The following TSPEAR variants were observed in gnomAD, a reference collection of about 807,000 sequenced individuals.
TSPEAR encodes the protein thrombospondin type laminin G domain and EAR repeats, also known as thrombospondin-type laminin G domain and EAR repeat-containing protein.
TSPEAR carries 69 observed loss-of-function variants against 71.6 expected under a neutral mutation model. The observed-to-expected ratio is 0.96, with a 90% CI of 0.79 to 1.18. The LOEUF (loss-of-function observed/expected upper bound fraction) is 1.18, where lower values mean the gene tolerates loss of function less well. Ranked by LOEUF, TSPEAR falls within the 50% of genes most tolerant of loss-of-function variation. The pLI is 0.00. For synonymous variants in TSPEAR, 402 were observed against 387.2 expected (o/e 1.04, Z -0.45); for missense variants, 971 against 894.9 (o/e 1.09, Z -1.09).
At chr21:44,570,842 C>T (rs1555922430) in intron 1 of TSPEAR, among the ~76,000 whole-genome samples, 1 of 152,156 alleles carries the variant, frequency 6.6e-6, no homozygotes, top group Non-Finnish European at 1.5e-5. Context: ...AATTAAAAGG[C>T]TGATAAGGGA....
At chr21:44,640,676 C>T (rs781984526) in intron 1 of TSPEAR, among the ~76,000 whole-genome samples, 4 of 152,184 alleles carry the variant, frequency 2.6e-5, no homozygotes, top group Non-Finnish European at 4.4e-5. Flanking sequence ...TGGAGGCATG[C>T]CATCCACAGA....
intron 3 of TSPEAR, 78 bp from the exon 4 acceptor site, chr21:44,531,211 G>A (rs938195150): frequency 1.8e-4 from 206 of 1,163,940 alleles, no homozygotes; most frequent in Non-Finnish European, 2.4e-4. Flanking sequence ...ACAGGAACAA[G>A]CCCCTCACTA....
chr21:44,558,859 G>A (rs1460343805), intron 2 of TSPEAR: 2 of 1,113,890 alleles, frequency 1.8e-6, no homozygotes, highest in Non-Finnish European at 2.5e-6. Flanking sequence ...GCCCCTGCCT[G>A]GCTTCGAGAA....
At chr21:44,559,836 C>G (rs1305312531) in intron 2 of TSPEAR, among the ~76,000 whole-genome samples, 1 of 152,118 alleles carries the variant, frequency 6.6e-6, no homozygotes, top group African/African-American at 2.4e-5. Flanking sequence ...GGCAGAGGCT[C>G]TGATGATGCT....
At chr21:44,503,644 G>A (rs587641330) in intron 11 of TSPEAR, among the ~76,000 whole-genome samples, 4 of 139,566 alleles carry the variant, frequency 2.9e-5, no homozygotes, top group Admixed American at 7.1e-5. Flanking sequence ...TGAGCCCTTG[G>A]GGGGAAGCCG....
intron 1 of TSPEAR, among the ~76,000 whole-genome samples, chr21:44,598,282 T>C (rs1463826628): frequency 6.6e-6 from 1 of 152,190 alleles, no homozygotes; most frequent in Non-Finnish European, 1.5e-5. Context: ...GTTTAGCCAA[T>C]CGGGTCTAGT....
At chr21:44,697,129 C>T in intron 1 of TSPEAR, 1 of 1,577,092 alleles carries the variant, frequency 6.3e-7, no homozygotes, top group Non-Finnish European at 8.6e-7. Context: ...CCCTCCTTCC[C>T]ATCCAGCACC....
At chr21:44,640,758 A>G (rs2146227476) in intron 1 of TSPEAR, among the ~76,000 whole-genome samples, 1 of 152,352 alleles carries the variant, frequency 6.6e-6, no homozygotes, top group Middle Eastern at 3.4e-3. Flanking sequence ...AATCCAACAG[A>G]AAGAAAGGCA....
At chr21:44,615,300 C>A (rs73907065) in intron 1 of TSPEAR, among the ~76,000 whole-genome samples, 2,227 of 152,370 alleles carry the variant, frequency 0.015, 54 homozygotes, top group African/African-American at 0.05. Context: ...CCGACCCGCA[C>A]ACACGCAGGA....
chr21:44,509,055 G>A, intron 10 of TSPEAR, 144 bp downstream of exon 10: 1 of 1,378,190 alleles, frequency 7.3e-7, no homozygotes. Context: ...CCACAGGAAG[G>A]TCCCCAGGCC....
chr21:44,503,972 C>A, intron 11 of TSPEAR, among the ~76,000 whole-genome samples: 1 of 132,926 alleles, frequency 7.5e-6, no homozygotes, highest in Non-Finnish European at 1.6e-5. Flanking sequence ...AGTTGGTGAG[C>A]CCTCGGCGGG....
chr21:44,615,127 G>A (rs935146313), intron 1 of TSPEAR, among the ~76,000 whole-genome samples: 20 of 152,356 alleles, frequency 1.3e-4, no homozygotes, highest in Admixed American at 1.0e-3. Context: ...CCTGGACTCC[G>A]CCATGGGCAG....
Position 44,647,492 on chromosome 21 carries a change from C to G in TSPEAR, c.82+63941G>C. On this transcript the variant is annotated intron_variant, in intron 1 of 11. Coordinates refer to ENST00000323084, the MANE Select transcript of TSPEAR (RefSeq NM_144991.3). ...GCTGCTGCCTGAAGGGGATTTTGAG[C>G]GCGTCACACTTTCCTCCCCACTGTC... 4 of 1,042,074 alleles carry G rather than the reference C, an allele frequency of 3.8e-6. No homozygotes were observed. The South Asian group carries it at 6.6e-5, about 17-fold the overall frequency. 64.6% of individuals were successfully genotyped at this position (1,042,074 alleles called of 1,614,324 possible).
intron 1 of TSPEAR, among the ~76,000 whole-genome samples, chr21:44,639,314 C>CT (rs370402394): frequency 1.1e-3 from 172 of 152,380 alleles, no homozygotes; most frequent in African/African-American, 3.8e-3. Flanking sequence ...CGCCAGGTCG[C>CT]TGTGCGCATT....
At chr21:44,599,084 A>G (rs1172318516) in intron 1 of TSPEAR, among the ~76,000 whole-genome samples, 1 of 147,148 alleles carries the variant, frequency 6.8e-6, no homozygotes, top group Non-Finnish European at 1.5e-5. Flanking sequence ...CAGCAGGAGT[A>G]TATGTCTGAC....
chr21:44,624,081 C>T (rs1359641187), intron 1 of TSPEAR, among the ~76,000 whole-genome samples: 5 of 152,114 alleles, frequency 3.3e-5, no homozygotes, highest in Non-Finnish European at 7.3e-5. Flanking sequence ...CTTACTACTC[C>T]ACTTTCTTCA....
intron 1 of TSPEAR, chr21:44,698,155 C>T (rs1259631430): frequency 1.6e-6 from 1 of 631,592 alleles, no homozygotes; most frequent in Non-Finnish European, 2.7e-6. Context: ...CCCGGCTCTT[C>T]CAGACCACTT....
At chr21:44,700,305 G>A (rs1173457345) in intron 1 of TSPEAR, among the ~76,000 whole-genome samples, 1 of 152,184 alleles carries the variant, frequency 6.6e-6, no homozygotes, top group Non-Finnish European at 1.5e-5. Context: ...GGGTCGTGCT[G>A]GGTGTCACGT....
At chr21:44,699,876 C>T (rs1555951307) in intron 1 of TSPEAR, among the ~76,000 whole-genome samples, 1 of 152,198 alleles carries the variant, frequency 6.6e-6, no homozygotes, top group East Asian at 1.9e-4. Flanking sequence ...ACTGCCCTCT[C>T]CCCTGACCGG....
Sources: allele counts gnomAD v4.1 joint callset (sites outside exome capture counted in the v4.1 genomes callset), GRCh38; gene constraint gnomAD v4.1.1; transcripts MANE v1.5; gene names NCBI Gene and HGNC (gene_info 2026-07-23, HGNC 2026-07-21).